MLLT3: variants seen among roughly 807,000 people sequenced by gnomAD.
MLLT3 encodes the protein protein AF-9.
MLLT3 carries 4 observed loss-of-function variants against 53.2 expected under a neutral mutation model. The observed-to-expected ratio is 0.08, with a 90% confidence interval of 0.04 to 0.17. The LOEUF is 0.17. MLLT3 is among the 10% of genes least tolerant of loss of function. The pLI is 1.00. For missense variants in MLLT3, 569 were observed against 684.0 expected (o/e 0.83, Z 1.87); for synonymous variants, 283 against 230.6 (o/e 1.23, Z -2.06).
intron 5 of MLLT3, among the ~76,000 whole-genome samples, chr9:20,375,341 T>C (rs1306492472): frequency 1.3e-5 from 2 of 152,220 alleles, no homozygotes. Flanking sequence ...GCAATTAATT[T>C]AAAGCAGTGT....
chr9:20,584,172 C>T (rs553238549), intron 2 of MLLT3, among the ~76,000 whole-genome samples: 2 of 152,246 alleles, frequency 1.3e-5, no homozygotes, highest in Non-Finnish European at 2.9e-5. Context: ...AGTCTCTCTG[C>T]TAAAACGTAA....
chr9:20,390,074 G>A (rs1349194423), intron 5 of MLLT3, among the ~76,000 whole-genome samples: 2 of 152,124 alleles, frequency 1.3e-5, no homozygotes, highest in Admixed American at 6.6e-5. Flanking sequence ...GCAACCAAGG[G>A]AAGTTAATGA....
In MLLT3 at chr9:20,586,426, T is replaced by C. The variant is rs115863405; in HGVS notation, c.193+34228A>G. ...GAAAAAAAAAAAAGGAGATTGAAAA[T>C]TGACGTTTGCCCAAATCCCAAAAGT... On this transcript the variant is annotated intron_variant, in intron 2 of 10. Coordinates refer to ENST00000380338, the MANE Select transcript of MLLT3 (RefSeq NM_004529.4). Among the ~76,000 whole-genome samples, 285 of 147,844 alleles carry C rather than the reference T, an allele frequency of 1.9e-3. 3 individuals are homozygous for C. The highest frequency in any genetic ancestry group is 6.9e-3 in the African/African-American group (278 of 40,382).
At chr9:20,546,850 TAG>T (rs1289517248) in intron 2 of MLLT3, among the ~76,000 whole-genome samples, 19 of 152,368 alleles carry the variant, frequency 1.2e-4, no homozygotes, top group Admixed American at 1.0e-3. Context: ...TGGAGACTGT[TAG>T]AGGAGGGTGC....
intron 2 of MLLT3, among the ~76,000 whole-genome samples, chr9:20,497,184 T>C (rs1447834065): frequency 1.3e-5 from 2 of 152,202 alleles, no homozygotes; most frequent in African/African-American, 4.8e-5. Context: ...TGATATTCAG[T>C]TGACAGACAG....
chr9:20,456,061 C>G (rs1823960415), intron 3 of MLLT3, among the ~76,000 whole-genome samples: 1 of 151,694 alleles, frequency 6.6e-6, no homozygotes, highest in Non-Finnish European at 1.5e-5. Flanking sequence ...GCCTCAGCCT[C>G]CTATGTAGCT....
chr9:20,484,999 T>A (rs182918285), intron 2 of MLLT3, among the ~76,000 whole-genome samples: 42 of 152,046 alleles, frequency 2.8e-4, no homozygotes, highest in South Asian at 8.3e-4. Context: ...TTATTTATTT[T>A]TTTTTTTGAG....
intron 2 of MLLT3, among the ~76,000 whole-genome samples, chr9:20,577,027 T>A (rs918500570): frequency 6.6e-6 from 1 of 152,172 alleles, no homozygotes; most frequent in African/African-American, 2.4e-5. Context: ...AGTATACCTG[T>A]ACTTTATTTT....
rs181515969 is a variant in MLLT3, at chr9:20,569,782, C to T, written c.193+50872G>A. Among the ~76,000 whole-genome samples the T allele has an allele frequency of 2.6e-5, 4 of 152,208 alleles. No individual in the cohort carries two copies. In the East Asian group the frequency reaches 7.7e-4, roughly 29 times the overall value. ...ACGTCATCTCTTAGCTATTTCAGTCCCTGTTTAGTGGAGCTAACATACCTA... is the reference window on the plus strand; with the variant it reads ...ACGTCATCTCTTAGCTATTTCAGTCTCTGTTTAGTGGAGCTAACATACCTA... On this transcript the variant is annotated intron_variant, in intron 2 of 10. Transcript: ENST00000380338.
intron 2 of MLLT3, among the ~76,000 whole-genome samples, chr9:20,487,847 T>C (rs1824852660): frequency 6.6e-6 from 1 of 152,110 alleles, no homozygotes; most frequent in Non-Finnish European, 1.5e-5. Flanking sequence ...AAAACCAAAC[T>C]GAAATTATAT....
At chr9:20,611,173 T>C (rs928234249) in intron 2 of MLLT3, among the ~76,000 whole-genome samples, 1 of 152,144 alleles carries the variant, frequency 6.6e-6, no homozygotes, top group East Asian at 1.9e-4. Flanking sequence ...GTGTTTTACA[T>C]GTTTATCAAA....
chr9:20,432,557 G>T (rs576961584), intron 4 of MLLT3, among the ~76,000 whole-genome samples: 3 of 152,066 alleles, frequency 2.0e-5, no homozygotes. Flanking sequence ...GTCCTAATAC[G>T]TGGAGTTAGC....
chr9:20,355,091 G>C (rs1311727921), intron 8 of MLLT3, among the ~76,000 whole-genome samples: 1 of 58,578 alleles, frequency 1.7e-5, no homozygotes, highest in Non-Finnish European at 3.2e-5. Context: ...CAGAAAAGTA[G>C]AACTAAAAAA....
chr9:20,577,558 T>C (rs1819686373), intron 2 of MLLT3, among the ~76,000 whole-genome samples: 1 of 152,170 alleles, frequency 6.6e-6, no homozygotes. Flanking sequence ...ACCTTGACCA[T>C]CTCTCACTTT....
intron 5 of MLLT3, among the ~76,000 whole-genome samples, chr9:20,411,434 T>C (rs1822725388): frequency 6.6e-6 from 1 of 152,194 alleles, no homozygotes; most frequent in African/African-American, 2.4e-5. Flanking sequence ...TTTTCAAGTA[T>C]TGAACCAATA....
At chr9:20,428,320 A>G (rs1284697435) in intron 4 of MLLT3, among the ~76,000 whole-genome samples, 3 of 152,106 alleles carry the variant, frequency 2.0e-5, no homozygotes, top group Non-Finnish European at 4.4e-5. Context: ...TAGTAAAAGA[A>G]CATCCACAGG....
intron 2 of MLLT3, among the ~76,000 whole-genome samples, chr9:20,601,989 G>C (rs1055773336): frequency 1.3e-5 from 2 of 152,080 alleles, no homozygotes; most frequent in Admixed American, 1.3e-4. Flanking sequence ...TTGGGGCACT[G>C]CTGAAAAACA....
intron 3 of MLLT3, among the ~76,000 whole-genome samples, chr9:20,452,889 G>C (rs1380339394): frequency 6.6e-6 from 1 of 152,144 alleles, no homozygotes; most frequent in Non-Finnish European, 1.5e-5. Context: ...TCAATCAATA[G>C]GCATTAAGTT....
chr9:20,606,337 A>G (rs528695597), intron 2 of MLLT3, among the ~76,000 whole-genome samples: 3 of 152,062 alleles, frequency 2.0e-5, no homozygotes, highest in African/African-American at 7.2e-5. Flanking sequence ...GGAGGGGTGA[A>G]GGCGGATTCA....
Sources: gnomAD v4.1 joint callset for allele counts (sites outside exome capture counted in the v4.1 genomes callset) on GRCh38, gnomAD v4.1.1 for gene constraint, MANE v1.5 for transcripts, NCBI Gene and HGNC (gene_info 2026-07-23, HGNC 2026-07-21) for gene names.